Variants in MGLL observed in about 807,000 individuals in gnomAD.
MGLL encodes the protein lysophospholipase homolog.
Under a neutral mutation model 29.1 loss-of-function variants are expected in MGLL, and 7 were observed. That is an observed-to-expected ratio of 0.24 (90% CI 0.14 to 0.45). The LOEUF (loss-of-function observed/expected upper bound fraction) is 0.45. MGLL is among the 20% of genes least tolerant of loss of function. MGLL has a pLI of 0.99. For missense variants in MGLL, 356 were observed against 413.6 expected, an observed-to-expected ratio of 0.86 and a Z score of 1.21; for synonymous variants, 148 against 168.3, an observed-to-expected ratio of 0.88 and a Z score of 0.93.
chr3:127,791,209 T>C (rs973259822), intron 2 of MGLL: 2 of 152,260 alleles, frequency 1.3e-5, no homozygotes, highest in African/African-American at 4.8e-5. Flanking sequence ...CCTTTCAGTA[T>C]GAGCTTTCTT....
chr3:127,748,504 GC>G (rs1239483682), intron 3 of MGLL, among the ~76,000 whole-genome samples: 1 of 151,802 alleles, frequency 6.6e-6, no homozygotes, highest in African/African-American at 2.4e-5. Flanking sequence ...ACAGGCTGAA[GC>G]CCTAACCTCT....
intron 7 of MGLL, 97 bp from the exon 8 acceptor site, chr3:127,692,420 C>T (rs2075265770): frequency 1.3e-6 from 2 of 1,495,498 alleles, no homozygotes; most frequent in East Asian, 2.3e-5. Flanking sequence ...GCAGCATTCT[C>T]CGGACCCTCT....
rs780167642 is a variant in MGLL, at chr3:127,694,071, A to C, written c.816+904T>G. ...TGGATCACCTGAGGTCAGGAGTGAGACCAACCTGGTCAACATGATGAAACC... is the reference window on the plus strand; with the variant it reads ...TGGATCACCTGAGGTCAGGAGTGAGCCCAACCTGGTCAACATGATGAAACC... On this transcript the variant is annotated intron_variant, in intron 7 of 7. Transcript: ENST00000265052. Among the ~76,000 whole-genome samples, 51 of 152,084 alleles carry C rather than the reference A, an allele frequency of 3.4e-4. No homozygotes were observed. The South Asian group carries it at 5.2e-3, about 15-fold the overall frequency.
At chr3:127,765,696 A>G (rs942250685) in intron 3 of MGLL, among the ~76,000 whole-genome samples, 1 of 152,252 alleles carries the variant, frequency 6.6e-6, no homozygotes. Flanking sequence ...CGTACCCCCA[A>G]CATCACTGAA....
At chr3:127,707,082 C>T (rs2075618136) in intron 6 of MGLL, among the ~76,000 whole-genome samples, 1 of 152,178 alleles carries the variant, frequency 6.6e-6, no homozygotes, top group South Asian at 2.1e-4. Context: ...GCTCAGAACT[C>T]AGCATATGGC....
intron 3 of MGLL, among the ~76,000 whole-genome samples, chr3:127,774,819 G>A (rs1298609742): frequency 6.6e-6 from 1 of 152,174 alleles, no homozygotes. Context: ...CCAGCCATCT[G>A]GCTTTCAACA....
intron 3 of MGLL, among the ~76,000 whole-genome samples, chr3:127,732,450 C>T (rs1430958171): frequency 5.3e-5 from 8 of 152,194 alleles, no homozygotes; most frequent in Non-Finnish European, 1.5e-5. Context: ...GTCACTCTCA[C>T]AGCTCAGGGC....
intron 3 of MGLL, among the ~76,000 whole-genome samples, chr3:127,730,285 T>C (rs2076125505): frequency 6.6e-6 from 1 of 152,070 alleles, no homozygotes; most frequent in South Asian, 2.1e-4. Flanking sequence ...GAAGCTGCTC[T>C]GATGGTGTCG....
At chr3:127,748,642 G>C (rs1007620777) in intron 3 of MGLL, among the ~76,000 whole-genome samples, 1 of 151,462 alleles carries the variant, frequency 6.6e-6, no homozygotes, top group Non-Finnish European at 1.5e-5. Flanking sequence ...GGGAGAAGAC[G>C]GCCACTTACA....
chr3:127,767,777 A>G (rs1386704449), intron 3 of MGLL, among the ~76,000 whole-genome samples: 1 of 152,242 alleles, frequency 6.6e-6, no homozygotes, highest in African/African-American at 2.4e-5. Flanking sequence ...TAAGCAATAG[A>G]ATTCAAACAC....
chr3:127,763,067 C>T (rs1273780025), intron 3 of MGLL, among the ~76,000 whole-genome samples: 1 of 152,172 alleles, frequency 6.6e-6, no homozygotes. Flanking sequence ...TGTGATCCAC[C>T]CTCCTTGAAT....
intron 3 of MGLL, among the ~76,000 whole-genome samples, chr3:127,737,205 T>C (rs1362755826): frequency 1.3e-5 from 2 of 151,810 alleles, no homozygotes; most frequent in African/African-American, 2.4e-5. Flanking sequence ...AGTGAGCATT[T>C]ATTGAGTGCT....
In MGLL at chr3:127,761,941, C is replaced by T. The variant is rs181308411; in HGVS notation, c.262+19848G>A. On this transcript the variant is annotated intron_variant, in intron 3 of 7. Coordinates refer to ENST00000265052, the MANE Select transcript of MGLL (RefSeq NM_007283.7). This position sits in a 1 kb window ranked among gnomAD's most constrained non-coding sequence, Gnocchi z 4.6. ...TTTGCTTTTTAATTTCTCCCTTTACCTCTAACAGGGGAGAAACCAAGACAC... is the reference window on the plus strand; with the variant it reads ...TTTGCTTTTTAATTTCTCCCTTTACTTCTAACAGGGGAGAAACCAAGACAC... Among the ~76,000 whole-genome samples, 6 of 152,134 alleles carry T rather than the reference C, an allele frequency of 3.9e-5. No homozygotes were observed. In the East Asian group the frequency reaches 1.2e-3, roughly 29 times the overall value.
chr3:127,718,470 G>A (rs1447528693), intron 5 of MGLL, among the ~76,000 whole-genome samples: 1 of 152,184 alleles, frequency 6.6e-6, no homozygotes, highest in Non-Finnish European at 1.5e-5. Context: ...GCAAACAACT[G>A]GAAATGACCC....
chr3:127,707,010 G>A (rs751471959), intron 6 of MGLL, among the ~76,000 whole-genome samples: 3 of 152,174 alleles, frequency 2.0e-5, no homozygotes, highest in Non-Finnish European at 2.9e-5. Context: ...GGGCACATCC[G>A]AAACACCGGG....
At chr3:127,812,717 C>T (rs187473547) in intron 2 of MGLL, among the ~76,000 whole-genome samples, 26 of 152,302 alleles carry the variant, frequency 1.7e-4, no homozygotes, top group African/African-American at 6.3e-4. Flanking sequence ...AGAGAGTTCA[C>T]GTTGACCCCT....
chr3:127,721,507 G>GTTTTTTTTTT (rs55892315), intron 4 of MGLL, among the ~76,000 whole-genome samples: 4 of 94,816 alleles, frequency 4.2e-5, no homozygotes, highest in African/African-American at 8.2e-5. Flanking sequence ...TAATAGGAGG[G>GTTTTTTTTTT]TTTTTTTTTT....
At chr3:127,754,359 A>T (rs1281070883) in intron 3 of MGLL, among the ~76,000 whole-genome samples, 1 of 65,272 alleles carries the variant, frequency 1.5e-5, no homozygotes, top group Admixed American at 1.3e-4. Flanking sequence ...AATAAGAAAG[A>T]AAAAAAAAAC....
At chr3:127,771,516 A>G (rs2076948180) in intron 3 of MGLL, among the ~76,000 whole-genome samples, 2 of 152,024 alleles carry the variant, frequency 1.3e-5, no homozygotes, top group African/African-American at 4.8e-5. Flanking sequence ...ACCTTTAAGC[A>G]CTGCTAATTT....
Sources: gnomAD v4.1 joint callset for allele counts (sites outside exome capture counted in the v4.1 genomes callset) on GRCh38, gnomAD v4.1.1 for gene constraint, Gnocchi (gnomAD v3.1) non-coding constraint, MANE v1.5 for transcripts, NCBI Gene and HGNC (gene_info 2026-07-23, HGNC 2026-07-21) for gene names.